CLIP4: variants seen among roughly 807,000 people sequenced by gnomAD.
CLIP4 encodes CAP-Gly domain containing linker protein family member 4.
A neutral mutation model predicts 73.1 loss-of-function variants in CLIP4; 47 were observed. That is an observed-to-expected ratio of 0.64 (90% confidence interval 0.51 to 0.82). CLIP4 has a LOEUF of 0.82. Among genes scored for constraint, CLIP4 ranks in the 40% least tolerant of loss-of-function variants. The pLI, the probability that CLIP4 is intolerant of heterozygous loss-of-function variation, is 0.00. For missense variants in CLIP4, 874 were observed against 852.9 expected (o/e 1.02, Z -0.31); for synonymous variants, 306 against 295.4 (o/e 1.04, Z -0.37).
intron 2 of CLIP4, among the ~76,000 whole-genome samples, chr2:29,128,800 T>C (rs1014879541): frequency 1.3e-5 from 2 of 152,160 alleles, no homozygotes; most frequent in African/African-American, 4.8e-5. Flanking sequence ...AAAAAACATA[T>C]CTTCCTACTT....
intron 1 of CLIP4, among the ~76,000 whole-genome samples, chr2:29,102,273 A>T (rs926897676): frequency 6.6e-6 from 1 of 152,208 alleles, no homozygotes; most frequent in Non-Finnish European, 1.5e-5. Flanking sequence ...CTCTAGATTT[A>T]CATGGAATTG....
At chr2:29,120,933 ATTTTAAGGTAGAT>A (rs1664208663) in intron 1 of CLIP4, among the ~76,000 whole-genome samples, 1 of 152,164 alleles carries the variant, frequency 6.6e-6, no homozygotes, top group Non-Finnish European at 1.5e-5. Context: ...TAATGGAAAC[ATTTTAAGGTAGAT>A]TATCTTCATG....
At chr2:29,159,359 C>T (rs1275080945) in intron 11 of CLIP4, among the ~76,000 whole-genome samples, 2 of 152,058 alleles carry the variant, frequency 1.3e-5, no homozygotes, top group African/African-American at 4.8e-5. Context: ...GGACAAGGCT[C>T]AAGCACCCAC....
intron 11 of CLIP4, among the ~76,000 whole-genome samples, chr2:29,159,741 T>A (rs989525287): frequency 1.3e-5 from 2 of 149,180 alleles, no homozygotes; most frequent in African/African-American, 5.0e-5. Flanking sequence ...TAATTTACAC[T>A]GAGTCTAAGT....
intron 2 of CLIP4, among the ~76,000 whole-genome samples, chr2:29,130,212 A>G (rs375845555): frequency 2.0e-5 from 3 of 152,182 alleles, no homozygotes; most frequent in Admixed American, 6.5e-5. Context: ...GGGGCTTCAC[A>G]GGGGTCTTCT....
At chr2:29,149,998 C>T (rs1316198293) in intron 8 of CLIP4, among the ~76,000 whole-genome samples, 1 of 152,112 alleles carries the variant, frequency 6.6e-6, no homozygotes, top group Non-Finnish European at 1.5e-5. Context: ...AAACATTATT[C>T]CAGTAAAAGA....
intron 15 of CLIP4, chr2:29,175,637 T>C (rs963444901): frequency 6.6e-6 from 1 of 152,220 alleles, no homozygotes; most frequent in African/African-American, 2.4e-5. Context: ...AGACGTGAGG[T>C]GGAAATATCA....
Position 29,139,947 on chromosome 2 carries a change from TTGAA to T in CLIP4, c.649-3759_649-3756del, listed in dbSNP as rs548456811. Among the ~76,000 whole-genome samples the T allele has an allele frequency of 4.9e-3, 745 of 152,274 alleles. 3 individuals are homozygous for T. The highest frequency in any genetic ancestry group is 0.017 in the African/African-American group (709 of 41,582). On this transcript the variant is annotated intron_variant, in intron 6 of 15. Coordinates refer to ENST00000320081, the MANE Select transcript of CLIP4 (RefSeq NM_024692.6). ...ACCATCTTTTCATTTTGCTGATCCT[TTGAA>T]TGCCTTTTTTGGTTTCAGTTTCATA... is the stretch of plus-strand genomic sequence containing the variant.
chr2:29,138,588 A>G (rs1665540553), intron 6 of CLIP4, among the ~76,000 whole-genome samples: 1 of 152,060 alleles, frequency 6.6e-6, no homozygotes, highest in Non-Finnish European at 1.5e-5. Flanking sequence ...GAAACTGTCA[A>G]TTGCTTTGGG....
chr2:29,174,970 T>C (rs968557018), intron 15 of CLIP4, among the ~76,000 whole-genome samples: 4 of 152,072 alleles, frequency 2.6e-5, no homozygotes, highest in African/African-American at 9.7e-5. Flanking sequence ...CTACCCCCCA[T>C]TGGTTTTCTG....
At chr2:29,143,412 TCCCTCCAGGCCA>T (rs1665920013) in intron 6 of CLIP4, among the ~76,000 whole-genome samples, 1 of 145,658 alleles carries the variant, frequency 6.9e-6, no homozygotes. Flanking sequence ...TTTTTTTTTT[TCCCTCCAGGCCA>T]CTTATGACTG....
intron 9 of CLIP4, among the ~76,000 whole-genome samples, chr2:29,155,206 G>A (rs1666838967): frequency 1.3e-5 from 2 of 152,192 alleles, no homozygotes; most frequent in African/African-American, 4.8e-5. Flanking sequence ...GCTGAGGCAG[G>A]AGGATCACTT....
chr2:29,164,070 A>C (rs1470450515), intron 13 of CLIP4, 116 bp downstream of exon 13: 2 of 921,286 alleles, frequency 2.2e-6, no homozygotes, highest in Non-Finnish European at 3.2e-6. Context: ...GTCTTCTTTC[A>C]AGGGGTTAAC....
rs1189311760 is a variant in CLIP4 at position 29,174,425 on chromosome 2, C to T, written c.1776C>T (p.Asn592=). Residue 592 remains asparagine, a synonymous_variant, in exon 15 of 16, where the codon AAC becomes AAT. Coordinates refer to ENST00000320081, the MANE Select transcript of CLIP4 (RefSeq NM_024692.6). ...CTGCTTCTTCCCAAAAGGAGATTAA[C>T]AGAAGAAATGCTTTTTCCAAGTGAG... ...TTSASSQKEI[N]RRNAFSKSKA... is the part of the protein sequence containing the mutation. 6.2e-7 allele frequency: 1 copy of T among 1,611,924 alleles called. No individual in the cohort carries two copies. Among genetic ancestry groups the T allele is most frequent in the Non-Finnish European group, 8.5e-7 (1 of 1,179,504 alleles).
In CLIP4 at chr2:29,143,904, G is replaced by A; in HGVS notation, c.844G>A (p.Gly282Ser). The part of the protein sequence containing the change: ...VTGKAMLTSL[G>S]LKLGDRVVIA... ...TGGCAAGGCAATGCTTACGTCACTT[G>A]GCCTGAAGTTGGGGGATCGTGTTGT... is the stretch of plus-strand genomic sequence containing the variant. Residue 282 changes from glycine to serine, a missense_variant, in exon 7 of 16, where the codon GGC becomes AGC. Coordinates refer to ENST00000320081, the MANE Select transcript of CLIP4 (RefSeq NM_024692.6). The A allele has an allele frequency of 6.2e-7, 1 of 1,614,122 alleles. No individual in the cohort carries two copies. The highest frequency in any genetic ancestry group is 1.1e-5 in the South Asian group (1 of 91,082).
chr2:29,155,653 G>A (rs1306651610), intron 9 of CLIP4, among the ~76,000 whole-genome samples: 1 of 152,038 alleles, frequency 6.6e-6, no homozygotes, highest in African/African-American at 2.4e-5. Context: ...TACTCTTCAG[G>A]TTGCCTTCAC....
At chr2:29,162,465 C>T (rs1233422360) in intron 12 of CLIP4, among the ~76,000 whole-genome samples, 3 of 152,110 alleles carry the variant, frequency 2.0e-5, no homozygotes, top group Admixed American at 2.0e-4. Context: ...GGGAAGATAT[C>T]CATACCACAC....
In CLIP4 at chr2:29,181,604, G is replaced by T. The variant is rs1668647996; in HGVS notation, c.1829G>T (p.Ser610Ile). The T allele has an allele frequency of 6.2e-7, 1 of 1,612,256 alleles. No individual in the cohort carries two copies. The highest frequency in any genetic ancestry group is 8.5e-7 in the Non-Finnish European group (1 of 1,178,636). The change falls in exon 16 of 16, where the codon AGC (serine) becomes ATC (isoleucine). Residue 610 changes from serine (S) to isoleucine (I), a missense_variant. Ser to Ile is a moderately radical substitution (Grantham distance 142). Transcript: ENST00000320081. The part of the protein sequence containing the change: ...SKAALRRSWS[S>I]TPTAGGIEGS... ...GCTGCTTTGCGTCGCAGTTGGAGCA[G>T]CACCCCCACCGCAGGTGGCATTGAA...
intron 1 of CLIP4, among the ~76,000 whole-genome samples, chr2:29,116,321 T>C (rs1663831588): frequency 6.6e-6 from 1 of 152,216 alleles, no homozygotes; most frequent in African/African-American, 2.4e-5. Flanking sequence ...TTCAGCTCTG[T>C]GCTGAGACAG....
Sources: gnomAD v4.1 joint callset for allele counts (sites outside exome capture counted in the v4.1 genomes callset) on GRCh38, gnomAD v4.1.1 for gene constraint, MANE v1.5 for transcripts, NCBI Gene and HGNC (gene_info 2026-07-23, HGNC 2026-07-21) for gene names.